Variants in CYB5B observed in about 807,000 individuals in gnomAD.
The protein encoded by CYB5B is cytochrome b5 type B (outer mitochondrial membrane).
In CYB5B, 14 loss-of-function variants were observed where a neutral mutation model predicts 21.3. That is an observed-to-expected ratio of 0.66 (90% confidence interval 0.43 to 1.03). The LOEUF (loss-of-function observed/expected upper bound fraction) is 1.03. Among genes scored for constraint, CYB5B ranks in the 50% least tolerant of loss-of-function variants. The pLI is 0.00. For synonymous variants in CYB5B, 69 were observed against 68.4 expected (o/e 1.01, Z -0.04); for missense variants, 166 against 185.1 (o/e 0.90, Z 0.60).
rs533158390 is a variant in CYB5B at position 69,441,153 on chromosome 16, CT to C, written c.175-5979del. On this transcript the variant is annotated intron_variant, in intron 1 of 4. Coordinates refer to ENST00000307892, the MANE Select transcript of CYB5B (RefSeq NM_030579.3). ...TCTGATTTCCCAGTTTTACTTCTCTCTTTTTTTTTTTTTTTTTTGAGATGGA... is the reference window on the plus strand; with the variant it reads ...TCTGATTTCCCAGTTTTACTTCTCTCTTTTTTTTTTTTTTTTTGAGATGGA... Among the ~76,000 whole-genome samples the C allele has an allele frequency of 5.9e-3, 780 of 133,282 alleles. 3 individuals are homozygous for C. Among genetic ancestry groups the C allele is most frequent in the Non-Finnish European group, 8.2e-3 (513 of 62,550 alleles). 87.4% of individuals were successfully genotyped at this position (133,282 alleles called of 152,430 possible). A position where few individuals can be genotyped will look rare whatever the true frequency, so the allele number is the denominator to read the frequency against.
chr16:69,454,093 A>G lies in CYB5B; in HGVS notation c.334-5000A>G, dbSNP rs541584562. On this transcript the variant is annotated intron_variant, in intron 3 of 4. Coordinates refer to ENST00000307892, the MANE Select transcript of CYB5B (RefSeq NM_030579.3). Reference sequence around the variant, plus strand: ...CTTTTCAAATCAGCCCTCCAATGTTATAACAAATTTTTCACTTCTTAAGTC... The same window carrying G: ...CTTTTCAAATCAGCCCTCCAATGTTGTAACAAATTTTTCACTTCTTAAGTC... Among the ~76,000 whole-genome samples, 9 of 152,320 alleles carry G rather than the reference A, an allele frequency of 5.9e-5. No homozygotes were observed. In the East Asian group the frequency reaches 1.2e-3, roughly 20 times the overall value.
At chr16:69,452,276 T>C (rs2014941872) in intron 3 of CYB5B, among the ~76,000 whole-genome samples, 1 of 132,096 alleles carries the variant, frequency 7.6e-6, no homozygotes, top group Non-Finnish European at 1.5e-5. Flanking sequence ...ATCGCGCCAC[T>C]GCACTCCAGC....
Position 69,462,945 on chromosome 16 carries a change from A to T in CYB5B, c.*425A>T, listed in dbSNP as rs111715527. ...TTTTTCTTTTAAGTAAATTTTTTTTAAAAAATTCTGATTTAGGGCTAGGTG... is the reference window on the plus strand; with the variant it reads ...TTTTTCTTTTAAGTAAATTTTTTTTTAAAAATTCTGATTTAGGGCTAGGTG... On this transcript the variant is annotated 3_prime_UTR_variant, in exon 5 of 5. Coordinates refer to ENST00000307892, the MANE Select transcript of CYB5B (RefSeq NM_030579.3). 2.8e-4 allele frequency: 44 copies of T among 159,846 alleles called. 1 individual carries two copies. The highest frequency in any genetic ancestry group is 2.1e-3 in the South Asian group (12 of 5,752). 9.9% of individuals were successfully genotyped at this position (159,846 alleles called of 1,614,324 possible). A position where few individuals can be genotyped will look rare whatever the true frequency, so the allele number is the denominator to read the frequency against.
At chr16:69,452,054 G>GT (rs1399980985) in intron 3 of CYB5B, among the ~76,000 whole-genome samples, 19 of 151,170 alleles carry the variant, frequency 1.3e-4, no homozygotes, top group Non-Finnish European at 2.5e-4. Flanking sequence ...CTCTTCCAAA[G>GT]ATTCCATGCA....
chr16:69,461,162 GCCACCGCAC>G (rs776711461), intron 4 of CYB5B, among the ~76,000 whole-genome samples: 2 of 150,532 alleles, frequency 1.3e-5, no homozygotes, highest in Non-Finnish European at 2.9e-5. Context: ...CCAAGATCGC[GCCACCGCAC>G]TCCGGCCTGG....
At position 69,447,984 on chromosome 16, in the gene CYB5B, G is replaced by A. The variant is rs975693689; in HGVS notation, c.304-131G>A. 17 of 898,270 alleles carry A rather than the reference G, an allele frequency of 1.9e-5. No homozygotes were observed. The Admixed American group carries it at 3.6e-4, about 19-fold the overall frequency. The allele number at this position is 898,270 out of a possible 1,614,324, so 55.6% of individuals were successfully genotyped here. A position where few individuals can be genotyped will look rare whatever the true frequency, so the allele number is the denominator to read the frequency against. ...CTCAGAGTAGAGGTATCTTTCTATG[G>A]ATCCTCAAATCTCCCAGGGAATTCA... On this transcript the variant is annotated intron_variant, in intron 2 of 4. Transcript: ENST00000307892.
chr16:69,462,182 T>C (rs1276693320), intron 4 of CYB5B, among the ~76,000 whole-genome samples: 1 of 152,224 alleles, frequency 6.6e-6, no homozygotes, highest in Non-Finnish European at 1.5e-5. Flanking sequence ...GAAACACATA[T>C]AGAGGCATTT....
At position 69,459,112 on chromosome 16, in the gene CYB5B, C is replaced by T. The variant is rs1322623115; in HGVS notation, c.353C>T (p.Thr118Ile). The T allele has an allele frequency of 5.7e-6, 9 of 1,592,518 alleles. No homozygotes were observed. The highest frequency in any genetic ancestry group is 2.3e-5 in the East Asian group (1 of 44,282). Reference protein sequence around the residue: ...SGSKDPSKNDTCKSCWAYWIL... With the variant: ...SGSKDPSKNDICKSCWAYWIL... ...TTTCAGGACCCTTCAAAAAATGATA[C>T]ATGCAAAAGGTTAGTATCTCCTTAA... Residue 118 changes from threonine (T) to isoleucine (I), a missense_variant, in exon 4 of 5, where the codon ACA becomes ATA. Transcript: ENST00000307892.
intron 1 of CYB5B, among the ~76,000 whole-genome samples, chr16:69,442,689 T>TA (rs1235994159): frequency 6.6e-6 from 1 of 152,084 alleles, no homozygotes; most frequent in African/African-American, 2.4e-5. Context: ...TTTTAATTTT[T>TA]AAAATTTTTT....
At chr16:69,448,926 C>T (rs1264939968) in intron 3 of CYB5B, 2 of 152,152 alleles carry the variant, frequency 1.3e-5, no homozygotes, top group Non-Finnish European at 2.9e-5. Context: ...TCCCATTCCT[C>T]ATTGAGCCGA....
Position 69,464,181 on chromosome 16 carries a change from T to C in CYB5B, c.*1661T>C, listed in dbSNP as rs540227507. 1 of 152,322 alleles carries C rather than the reference T, an allele frequency of 6.6e-6. No individual in the cohort carries two copies. The highest frequency in any genetic ancestry group is 1.9e-4 in the East Asian group (1 of 5,188). 9.4% of individuals were successfully genotyped at this position (152,322 alleles called of 1,614,324 possible). A position where few individuals can be genotyped will look rare whatever the true frequency, so the allele number is the denominator to read the frequency against. On this transcript the variant is annotated 3_prime_UTR_variant, in exon 5 of 5. Transcript: ENST00000307892. ...TTAAGAAAAAGTTCAACCCAGGTCT[T>C]GTATCCTGTGATTTAGCAGTTGAAT...
intron 1 of CYB5B, among the ~76,000 whole-genome samples, chr16:69,432,384 A>G (rs537116249): frequency 1.3e-5 from 2 of 152,328 alleles, no homozygotes; most frequent in East Asian, 3.9e-4. Context: ...ACTTTATTGT[A>G]AGATAGGCTT....
In CYB5B at chr16:69,465,684, C is replaced by T. The variant is rs779515120; in HGVS notation, c.*3164C>T. On this transcript the variant is annotated 3_prime_UTR_variant, in exon 5 of 5. Transcript: ENST00000307892. Reference sequence around the variant, plus strand: ...CTTATGGTATCTCCTGCTTTAAAATCTCAAGCGATATCTATCTGGTTAAAT... The same window carrying T: ...CTTATGGTATCTCCTGCTTTAAAATTTCAAGCGATATCTATCTGGTTAAAT... 2 of 152,196 alleles carry T rather than the reference C, an allele frequency of 1.3e-5. No homozygotes were observed. Among genetic ancestry groups the T allele is most frequent in the Admixed American group, 1.3e-4 (2 of 15,284 alleles). 9.4% of individuals were successfully genotyped at this position (152,196 alleles called of 1,614,324 possible).
At position 69,459,081 on chromosome 16, in the gene CYB5B, T is replaced by TA. The variant is rs766558805; in HGVS notation, c.334-12_334-11insA. On this transcript the variant is annotated splice_polypyrimidine_tract_variant and intron_variant, in intron 3 of 4. Coordinates refer to ENST00000307892, the MANE Select transcript of CYB5B (RefSeq NM_030579.3). ...TTTGTTATTTTTGAATTTTTTTTTT[T>TA]TTTTATTTCAGGACCCTTCAAAAAA... is the stretch of plus-strand genomic sequence containing the variant. 13 of 1,586,858 alleles carry TA rather than the reference T, an allele frequency of 8.2e-6. No individual in the cohort carries two copies. The highest frequency in any genetic ancestry group is 1.1e-5 in the Non-Finnish European group (13 of 1,171,554).
chr16:69,462,283 T>C (rs2015042397), intron 4 of CYB5B, 147 bp from the exon 5 acceptor site: 1 of 618,084 alleles, frequency 1.6e-6, no homozygotes, highest in African/African-American at 1.9e-5. Flanking sequence ...CAAATATTTT[T>C]CCCCAACTAC....
intron 3 of CYB5B, among the ~76,000 whole-genome samples, chr16:69,452,585 G>C (rs975494159): frequency 6.6e-6 from 1 of 152,140 alleles, no homozygotes; most frequent in Non-Finnish European, 1.5e-5. Context: ...CGGTAGAATG[G>C]CTTGAACCTG....
intron 1 of CYB5B, among the ~76,000 whole-genome samples, chr16:69,434,288 C>T (rs1171908765): frequency 6.6e-6 from 1 of 152,132 alleles, no homozygotes; most frequent in Non-Finnish European, 1.5e-5. Context: ...TTTGGGTTGT[C>T]TCCAGTTTGG....
chr16:69,447,807 T>G (rs1250557538), intron 2 of CYB5B, among the ~76,000 whole-genome samples: 1 of 152,144 alleles, frequency 6.6e-6, no homozygotes. Context: ...TCTGGATTAT[T>G]TTTATGTGTT....
At chr16:69,428,597 A>G (rs570723084) in intron 1 of CYB5B, among the ~76,000 whole-genome samples, 2 of 152,200 alleles carry the variant, frequency 1.3e-5, no homozygotes, top group Non-Finnish European at 2.9e-5. Context: ...TGGAGGTTGC[A>G]GCGATCCAAG....
Sources: gnomAD v4.1 joint callset for allele counts (sites outside exome capture counted in the v4.1 genomes callset) on GRCh38, gnomAD v4.1.1 for gene constraint, MANE v1.5 for transcripts, NCBI Gene and HGNC (gene_info 2026-07-23, HGNC 2026-07-21) for gene names.